NCOA3: variants seen among roughly 807,000 people sequenced by gnomAD.
NCOA3 encodes nuclear receptor coactivator 3, also known as CBP-interacting protein.
A neutral mutation model predicts 158.8 loss-of-function variants in NCOA3; 51 were observed. The ratio of observed to expected loss-of-function variants is 0.32; its 90% confidence interval spans 0.26 to 0.41. NCOA3 has a LOEUF of 0.41. NCOA3 is among the 10% of genes least tolerant of loss of function. The pLI is 1.00. For missense variants in NCOA3, 1,510 were observed against 1,746.6 expected, an observed-to-expected ratio of 0.86 and a Z score of 2.41; for synonymous variants, 537 against 592.4, an observed-to-expected ratio of 0.91 and a Z score of 1.36.
chr20:47,608,052 C>G (rs1010198501), intron 2 of NCOA3, among the ~76,000 whole-genome samples: 2 of 152,072 alleles, frequency 1.3e-5, no homozygotes. Flanking sequence ...TGGCTCATGC[C>G]TGTAATCCCA....
At chr20:47,574,477 T>C (rs1394740597) in intron 1 of NCOA3, among the ~76,000 whole-genome samples, 1 of 148,834 alleles carries the variant, frequency 6.7e-6, no homozygotes, top group African/African-American at 2.6e-5. Flanking sequence ...GTTGCTACTA[T>C]GTATATTTTG....
chr20:47,550,038 T>C lies in NCOA3; in HGVS notation c.-98-33145T>C, dbSNP rs542916563. On this transcript the variant is annotated intron_variant, in intron 1 of 22. Coordinates refer to ENST00000371998, the MANE Select transcript of NCOA3 (RefSeq NM_181659.3). ...ACTTTTTAAGTTGGCCTGAGAAAGCTTGCAGAGCCTTATTCTCCAGATGTC... is the reference window on the plus strand; with the variant it reads ...ACTTTTTAAGTTGGCCTGAGAAAGCCTGCAGAGCCTTATTCTCCAGATGTC... Among the ~76,000 whole-genome samples, 131 of 152,270 alleles carry C rather than the reference T, an allele frequency of 8.6e-4. 1 individual carries two copies. The highest frequency in any genetic ancestry group is 1.8e-3 in the Non-Finnish European group (120 of 68,010).
At position 47,565,511 on chromosome 20, in the gene NCOA3, T is replaced by C. The variant is rs142140997; in HGVS notation, c.-98-17672T>C. On this transcript the variant is annotated intron_variant, in intron 1 of 22. Transcript: ENST00000371998. ...GGGCAGATCGCGTGAGCCCAGGAAG[T>C]TGGAGATCAGCCTGGGTGACATGGT... is the stretch of plus-strand genomic sequence containing the variant. Among the ~76,000 whole-genome samples, 428 of 152,228 alleles carry C rather than the reference T, an allele frequency of 2.8e-3. 1 individual carries two copies. The highest frequency in any genetic ancestry group is 0.01 in the Middle Eastern group (3 of 294).
At chr20:47,595,422 A>G (rs375722094) in intron 2 of NCOA3, among the ~76,000 whole-genome samples, 2 of 152,290 alleles carry the variant, frequency 1.3e-5, no homozygotes, top group South Asian at 2.1e-4. Context: ...TTTACAGGAG[A>G]TATCTATAGG....
chr20:47,636,266 G>C lies in NCOA3; in HGVS notation c.1880G>C (p.Cys627Ser). 6.2e-7 allele frequency: 1 copy of C among 1,614,140 alleles called. No homozygotes were observed. The highest frequency in any genetic ancestry group is 8.5e-7 in the Non-Finnish European group (1 of 1,180,024). ...GHKKLLQLLTCSSDDRGHSSL... is the reference protein window; with the variant it reads ...GHKKLLQLLTSSSDDRGHSSL... ...AAAAAATTACTGCAGTTACTTACCT[G>C]TTCTTCTGATGACCGGGGTCATTCC... The change falls in exon 12 of 23, where the codon TGT becomes TCT. Residue 627 changes from cysteine to serine, a missense_variant. Cys to Ser is a moderately radical substitution (Grantham distance 112). Coordinates refer to ENST00000371998, the MANE Select transcript of NCOA3 (RefSeq NM_181659.3).
At chr20:47,592,278 C>T (rs2085656705) in intron 2 of NCOA3, among the ~76,000 whole-genome samples, 1 of 152,180 alleles carries the variant, frequency 6.6e-6, no homozygotes, top group Non-Finnish European at 1.5e-5. Context: ...CTCCTGACCT[C>T]AGGTGATCCA....
chr20:47,531,472 T>A (rs2084546531), intron 1 of NCOA3, among the ~76,000 whole-genome samples: 1 of 152,250 alleles, frequency 6.6e-6, no homozygotes, highest in Non-Finnish European at 1.5e-5. Context: ...TACAGATATC[T>A]TTCTGTGTTT....
intron 2 of NCOA3, among the ~76,000 whole-genome samples, chr20:47,604,393 C>G (rs1305736308): frequency 6.6e-6 from 1 of 152,154 alleles, no homozygotes; most frequent in Non-Finnish European, 1.5e-5. Flanking sequence ...TTTTCTTGTT[C>G]ACTAATGATG....
Position 47,636,413 on chromosome 20 carries a change from C to T in NCOA3, c.2027C>T (p.Ser676Leu), listed in dbSNP as rs1262731169. 6.2e-7 allele frequency: 1 copy of T among 1,614,064 alleles called. No individual in the cohort carries two copies. Among genetic ancestry groups the T allele is most frequent in the Non-Finnish European group, 8.5e-7 (1 of 1,180,018 alleles). The change falls in exon 12 of 23, where the codon TCA becomes TTA. Residue 676 changes from serine to leucine, a missense_variant. Transcript: ENST00000371998. ...TCCTCTACATCCAATATGCATGGGT[C>T]ACTGTTACAAGAGAAGCACCGGATT... Reference protein sequence around the residue: ...GVSSTSNMHGSLLQEKHRILH... With the variant: ...GVSSTSNMHGLLLQEKHRILH...
intron 3 of NCOA3, among the ~76,000 whole-genome samples, chr20:47,622,625 G>A (rs540638895): frequency 2.0e-5 from 3 of 152,294 alleles, no homozygotes; most frequent in Non-Finnish European, 2.9e-5. Context: ...ACGTGCGTCC[G>A]TGTGAAGAGA....
intron 6 of NCOA3, 30 bp from the exon 7 acceptor site, chr20:47,627,531 T>A (rs913505506): frequency 6.4e-7 from 1 of 1,563,516 alleles, no homozygotes; most frequent in Admixed American, 1.9e-5. Flanking sequence ...ACCAGCTTTT[T>A]AAAATGTCAT....
At chr20:47,613,136 T>G (rs1314873266) in intron 2 of NCOA3, among the ~76,000 whole-genome samples, 1 of 152,204 alleles carries the variant, frequency 6.6e-6, no homozygotes. Context: ...ACTTTATTGT[T>G]TCTTGCTAGC....
Position 47,627,653 on chromosome 20 carries a change from G to C in NCOA3, c.625G>C (p.Glu209Gln). 1 of 1,614,128 alleles carries C rather than the reference G, an allele frequency of 6.2e-7. No individual in the cohort carries two copies. Among genetic ancestry groups the C allele is most frequent in the Admixed American group, 1.7e-5 (1 of 60,014 alleles). Reference sequence around the variant, plus strand: ...GATGAAAACACCACATGATATTCTGGAAGACATAAACGCCAGTCCTGAAAT... The same window carrying C: ...GATGAAAACACCACATGATATTCTGCAAGACATAAACGCCAGTCCTGAAAT... Reference protein sequence around the residue: ...MLMKTPHDILEDINASPEMRQ... With the variant: ...MLMKTPHDILQDINASPEMRQ... The change falls in exon 7 of 23, where the codon GAA (glutamate) becomes CAA (glutamine). Residue 209 changes from glutamate (E) to glutamine (Q), a missense_variant. Transcript: ENST00000371998.
chr20:47,510,918 C>A (rs6063127), intron 1 of NCOA3, among the ~76,000 whole-genome samples: 1 of 152,012 alleles, frequency 6.6e-6, no homozygotes, highest in Non-Finnish European at 1.5e-5. Context: ...TCATACCACT[C>A]TTCTAAGTCT....
chr20:47,555,666 T>C lies in NCOA3; in HGVS notation c.-98-27517T>C, dbSNP rs1311418398. ...TTTTTTTTTTTTTTTTGGGACAGAG[T>C]CTCGCCCTGTCGCCCAGGCTGGAGT... On this transcript the variant is annotated intron_variant, in intron 1 of 22. Coordinates refer to ENST00000371998, the MANE Select transcript of NCOA3 (RefSeq NM_181659.3). 8.3e-5 allele frequency among the ~76,000 whole-genome samples: 11 copies of C among 132,718 alleles called. No homozygotes were observed. The East Asian group carries it at 2.4e-3, about 29-fold the overall frequency. 87.1% of individuals were successfully genotyped at this position (132,718 alleles called of 152,430 possible). A position where few individuals can be genotyped will look rare whatever the true frequency, so the allele number is the denominator to read the frequency against.
At chr20:47,646,345 T>TC (rs1568754190) in intron 17 of NCOA3, among the ~76,000 whole-genome samples, 1 of 152,106 alleles carries the variant, frequency 6.6e-6, no homozygotes, top group African/African-American at 2.4e-5. Context: ...GTTGAATCCA[T>TC]GAGTGTGGAA....
intron 2 of NCOA3, among the ~76,000 whole-genome samples, chr20:47,612,739 C>T (rs917287156): frequency 1.8e-4 from 27 of 152,136 alleles, no homozygotes; most frequent in African/African-American, 6.0e-4. Context: ...TTGTAGAAGT[C>T]AATGTAACCT....
chr20:47,548,815 G>A (rs756176342), intron 1 of NCOA3, among the ~76,000 whole-genome samples: 16 of 152,084 alleles, frequency 1.1e-4, no homozygotes, highest in African/African-American at 2.9e-4. Flanking sequence ...TCTGTTCTGC[G>A]TACTGCTGTT....
chr20:47,617,049 G>A (rs1220345426), intron 2 of NCOA3, among the ~76,000 whole-genome samples: 1 of 152,022 alleles, frequency 6.6e-6, no homozygotes, highest in Non-Finnish European at 1.5e-5. Flanking sequence ...TCTGCCTCTC[G>A]GGTTTAAGCT....
Sources: allele counts gnomAD v4.1 joint callset (sites outside exome capture counted in the v4.1 genomes callset), GRCh38; gene constraint gnomAD v4.1.1; transcripts MANE v1.5; gene names NCBI Gene and HGNC (gene_info 2026-07-23, HGNC 2026-07-21).